JPH3: variants seen among roughly 807,000 people sequenced by gnomAD.
The protein encoded by JPH3 is junctophilin-3.
A neutral mutation model predicts 59.6 loss-of-function variants in JPH3; 11 were observed. That is an observed-to-expected ratio of 0.18 (90% CI 0.12 to 0.31). The LOEUF (loss-of-function observed/expected upper bound fraction) is 0.31, where lower values mean the gene tolerates loss of function less well. Among genes scored for constraint, JPH3 ranks in the 10% least tolerant of loss-of-function variants. JPH3 has a pLI of 1.00. For synonymous variants in JPH3, 673 were observed against 483.6 expected, an observed-to-expected ratio of 1.39 and a Z score of -5.14; for missense variants, 1,202 against 1,105.7, an observed-to-expected ratio of 1.09 and a Z score of -1.24.
At chr16:87,676,494 G>A (rs1486475727) in intron 2 of JPH3, among the ~76,000 whole-genome samples, 1 of 152,162 alleles carries the variant, frequency 6.6e-6, no homozygotes, top group Admixed American at 6.5e-5. Context: ...TCAGCACCTT[G>A]GGAGGCAGAC....
intron 2 of JPH3, among the ~76,000 whole-genome samples, chr16:87,664,103 G>C (rs1326488732): frequency 6.6e-6 from 1 of 152,040 alleles, no homozygotes; most frequent in African/African-American, 2.4e-5. Context: ...AGGCCGAGGC[G>C]GGTGGATCAC....
At chr16:87,648,318 G>A (rs962397853) in intron 2 of JPH3, among the ~76,000 whole-genome samples, 4 of 152,156 alleles carry the variant, frequency 2.6e-5, no homozygotes, top group Non-Finnish European at 2.9e-5. Context: ...TGGCTCAGGC[G>A]CCCACAGCCC....
At chr16:87,677,203 C>A (rs2033167585) in intron 2 of JPH3, among the ~76,000 whole-genome samples, 2 of 119,878 alleles carry the variant, frequency 1.7e-5, no homozygotes, top group African/African-American at 7.3e-5. Flanking sequence ...CACACACACA[C>A]ACACACACAC....
At chr16:87,636,939 G>A (rs1008640017) in intron 1 of JPH3, among the ~76,000 whole-genome samples, 3 of 152,126 alleles carry the variant, frequency 2.0e-5, no homozygotes, top group Admixed American at 1.3e-4. Flanking sequence ...GCCTGGACGC[G>A]GCTGCCTGGT....
chr16:87,608,395 G>T (rs184531476), intron 1 of JPH3, among the ~76,000 whole-genome samples: 10 of 152,328 alleles, frequency 6.6e-5, no homozygotes, highest in Non-Finnish European at 2.9e-5. Context: ...AGAGGAGAGG[G>T]TGATGTTGGT....
At chr16:87,624,741 C>G (rs796545752) in intron 1 of JPH3, among the ~76,000 whole-genome samples, 5 of 152,326 alleles carry the variant, frequency 3.3e-5, no homozygotes, top group African/African-American at 1.2e-4. Context: ...CGCTCTGGGC[C>G]CAACTCTCTG....
chr16:87,671,264 T>C (rs1250235561), intron 2 of JPH3, among the ~76,000 whole-genome samples: 1 of 150,968 alleles, frequency 6.6e-6, no homozygotes, highest in Non-Finnish European at 1.5e-5. Context: ...AAGCCCCACC[T>C]GGCCCCTTCG....
chr16:87,684,322 G>A (rs1442772321), intron 3 of JPH3, 56 bp downstream of exon 3: 2 of 1,593,644 alleles, frequency 1.3e-6, no homozygotes, highest in African/African-American at 2.7e-5. Context: ...GTGGATGGCT[G>A]GGCAGTCCTG....
chr16:87,693,254 G>C (rs931521546), intron 4 of JPH3, among the ~76,000 whole-genome samples: 2 of 152,240 alleles, frequency 1.3e-5, no homozygotes, highest in Non-Finnish European at 2.9e-5. Context: ...TGCTGTGGCT[G>C]CAGGTGCCCC....
At chr16:87,626,187 G>A (rs1016229001) in intron 1 of JPH3, among the ~76,000 whole-genome samples, 1 of 152,202 alleles carries the variant, frequency 6.6e-6, no homozygotes, top group African/African-American at 2.4e-5. Flanking sequence ...TTTGTGCTTA[G>A]TAACTGGGTC....
intron 2 of JPH3, among the ~76,000 whole-genome samples, chr16:87,670,060 G>T (rs2032974845): frequency 6.6e-6 from 1 of 152,112 alleles, no homozygotes; most frequent in Non-Finnish European, 1.5e-5. Context: ...ACAGGCGTGG[G>T]GATTCCACGG....
intron 2 of JPH3, among the ~76,000 whole-genome samples, chr16:87,659,389 A>AAG (rs1555539510): frequency 1.4e-5 from 2 of 145,284 alleles, no homozygotes; most frequent in African/African-American, 2.6e-5. Context: ...AAAAAAAAGA[A>AAG]AAAAAAAAAG....
rs772941320 is a variant in JPH3 at position 87,631,239 on chromosome 16, A to C, written c.383-13019A>C. 1.2e-4 allele frequency among the ~76,000 whole-genome samples: 19 copies of C among 152,218 alleles called. No individual in the cohort carries two copies. In the South Asian group the frequency reaches 1.9e-3, roughly 15 times the overall value. On this transcript the variant is annotated intron_variant, in intron 1 of 4. Coordinates refer to ENST00000284262, the MANE Select transcript of JPH3 (RefSeq NM_020655.4). ...CACTTCTCCTGTGTTTGATCTTCTCATGTCTTCTTTCATGGTTTCCTCCCT... is the reference window on the plus strand; with the variant it reads ...CACTTCTCCTGTGTTTGATCTTCTCCTGTCTTCTTTCATGGTTTCCTCCCT...
intron 1 of JPH3, among the ~76,000 whole-genome samples, chr16:87,625,656 T>TG (rs1837458685): frequency 1.3e-5 from 2 of 152,128 alleles, no homozygotes; most frequent in African/African-American, 4.8e-5. Flanking sequence ...CAGGGGTTCC[T>TG]GGGGGGCCTT....
At chr16:87,643,044 T>G (rs2032007050) in intron 1 of JPH3, among the ~76,000 whole-genome samples, 2 of 152,170 alleles carry the variant, frequency 1.3e-5, no homozygotes, top group South Asian at 4.1e-4. Context: ...TATTCAACAC[T>G]GACCCCACAA....
At chr16:87,693,111 G>A (rs1007924163) in intron 4 of JPH3, among the ~76,000 whole-genome samples, 16 of 152,332 alleles carry the variant, frequency 1.1e-4, no homozygotes, top group Admixed American at 2.0e-4. Flanking sequence ...ACGATGCCAC[G>A]GAAAGCTGGG....
intron 3 of JPH3, among the ~76,000 whole-genome samples, chr16:87,686,370 A>T (rs1370149241): frequency 1.4e-5 from 2 of 144,250 alleles, no homozygotes; most frequent in Non-Finnish European, 3.0e-5. Context: ...CTGGATTCAG[A>T]GGAGATGCTT....
At chr16:87,606,697 A>G (rs767273892) in intron 1 of JPH3, among the ~76,000 whole-genome samples, 2 of 152,220 alleles carry the variant, frequency 1.3e-5, no homozygotes, top group African/African-American at 4.8e-5. Flanking sequence ...TATGCCAGGA[A>G]TATAGTAAGC....
At chr16:87,642,145 C>T (rs956689621) in intron 1 of JPH3, among the ~76,000 whole-genome samples, 4 of 151,302 alleles carry the variant, frequency 2.6e-5, no homozygotes, top group Non-Finnish European at 4.4e-5. Context: ...ACCCTGGGGA[C>T]GGACAGGTCA....
Sources: allele counts gnomAD v4.1 joint callset (sites outside exome capture counted in the v4.1 genomes callset), GRCh38; gene constraint gnomAD v4.1.1; transcripts MANE v1.5; gene names NCBI Gene and HGNC (gene_info 2026-07-23, HGNC 2026-07-21).